PDE4B: variants seen among roughly 807,000 people sequenced by gnomAD.
The protein encoded by PDE4B is 3',5'-cyclic-AMP phosphodiesterase 4B.
A neutral mutation model predicts 82.2 loss-of-function variants in PDE4B; 20 were observed. That is an observed-to-expected ratio of 0.24 (90% CI 0.17 to 0.35). PDE4B has a LOEUF of 0.35. PDE4B is among the 10% of genes least tolerant of loss of function. PDE4B has a pLI of 1.00. For missense variants in PDE4B, 655 were observed against 907.2 expected, an observed-to-expected ratio of 0.72 and a Z score of 3.57; for synonymous variants, 320 against 318.9, an observed-to-expected ratio of 1.00 and a Z score of -0.04.
At chr1:65,857,670 A>G (rs1231923514) in intron 1 of PDE4B, among the ~76,000 whole-genome samples, 1 of 152,120 alleles carries the variant, frequency 6.6e-6, no homozygotes, top group African/African-American at 2.4e-5. Context: ...CCTATTTTTT[A>G]TCTTGCCTTG....
intron 1 of PDE4B, among the ~76,000 whole-genome samples, chr1:65,870,340 G>C (rs1186339874): frequency 1.3e-5 from 2 of 152,132 alleles, no homozygotes; most frequent in Non-Finnish European, 2.9e-5. Context: ...AGCATAAAGT[G>C]TATCATTTCT....
chr1:65,804,751 T>C (rs1416674881), intron 1 of PDE4B, among the ~76,000 whole-genome samples: 1 of 152,096 alleles, frequency 6.6e-6, no homozygotes, highest in Non-Finnish European at 1.5e-5. Flanking sequence ...GATACTGAGC[T>C]ATTCCAGGTG....
intron 1 of PDE4B, among the ~76,000 whole-genome samples, chr1:65,887,235 TTTC>T (rs567812014): frequency 0.034 from 608 of 17,738 alleles, 2 homozygotes; most frequent in African/African-American, 0.068. Context: ...TCTTTCTTTC[TTTC>T]TTTCTTTCTT....
intron 3 of PDE4B, among the ~76,000 whole-genome samples, chr1:65,947,919 C>T (rs1648793327): frequency 6.7e-6 from 1 of 149,086 alleles, no homozygotes; most frequent in Admixed American, 6.7e-5. Context: ...GAAACTAATA[C>T]AGATGCAATA....
At chr1:66,131,155 TA>T (rs991403270) in intron 3 of PDE4B, among the ~76,000 whole-genome samples, 1 of 152,060 alleles carries the variant, frequency 6.6e-6, no homozygotes, top group Non-Finnish European at 1.5e-5. Context: ...TGTGCAAAGG[TA>T]AAAAACATAT....
chr1:66,114,528 C>A (rs1645553154), intron 3 of PDE4B, among the ~76,000 whole-genome samples: 1 of 151,792 alleles, frequency 6.6e-6, no homozygotes. Flanking sequence ...AACTTATATG[C>A]AAATTATACA....
chr1:65,998,277 A>T (rs1651662153), intron 3 of PDE4B, among the ~76,000 whole-genome samples: 1 of 152,196 alleles, frequency 6.6e-6, no homozygotes, highest in Non-Finnish European at 1.5e-5. Context: ...GAGTGAAAAT[A>T]CACATAGTTC....
intron 2 of PDE4B, among the ~76,000 whole-genome samples, chr1:65,915,823 A>C (rs1477425191): frequency 6.6e-6 from 1 of 152,208 alleles, no homozygotes; most frequent in Non-Finnish European, 1.5e-5. Flanking sequence ...CAGAAACAGA[A>C]GGATAATCCA....
intron 9 of PDE4B, among the ~76,000 whole-genome samples, chr1:66,358,756 A>C (rs935279244): frequency 1.3e-5 from 2 of 152,118 alleles, no homozygotes; most frequent in Non-Finnish European, 2.9e-5. Flanking sequence ...CTCAGTGAGC[A>C]CAAAATAAGA....
chr1:66,246,964 G>A (rs946483471), intron 3 of PDE4B, among the ~76,000 whole-genome samples: 6 of 152,220 alleles, frequency 3.9e-5, no homozygotes, highest in Admixed American at 3.3e-4. Flanking sequence ...GAAACATTTA[G>A]AAATACGTGT....
intron 1 of PDE4B, among the ~76,000 whole-genome samples, chr1:65,818,703 T>TAA (rs1645915481): frequency 6.7e-6 from 1 of 148,832 alleles, no homozygotes; most frequent in African/African-American, 2.4e-5. Flanking sequence ...TATATATATA[T>TAA]AAAATAACAA....
chr1:66,043,765 G>A (rs976313710), intron 3 of PDE4B, among the ~76,000 whole-genome samples: 4 of 151,652 alleles, frequency 2.6e-5, no homozygotes, highest in Non-Finnish European at 4.4e-5. Flanking sequence ...GTCAGCAAAG[G>A]GTCCAGAGAG....
At chr1:66,222,787 G>A (rs533196921) in intron 3 of PDE4B, among the ~76,000 whole-genome samples, 3 of 152,200 alleles carry the variant, frequency 2.0e-5, no homozygotes, top group East Asian at 3.9e-4. Flanking sequence ...AAGAATAGAC[G>A]CTCAAGAAAT....
intron 3 of PDE4B, among the ~76,000 whole-genome samples, chr1:66,067,441 A>G (rs1476441125): frequency 1.3e-5 from 2 of 152,096 alleles, no homozygotes; most frequent in African/African-American, 4.8e-5. Context: ...ATGGCCAGTG[A>G]TCATGAGCAT....
intron 1 of PDE4B, among the ~76,000 whole-genome samples, chr1:65,822,367 G>T (rs1645962906): frequency 6.6e-6 from 1 of 152,034 alleles, no homozygotes; most frequent in Non-Finnish European, 1.5e-5. Context: ...GAGTGAAATT[G>T]CTGTCTTAAA....
chr1:66,198,161 G>C (rs1245192140), intron 3 of PDE4B, among the ~76,000 whole-genome samples: 2 of 152,100 alleles, frequency 1.3e-5, no homozygotes, highest in Admixed American at 6.6e-5. Context: ...ATCAAACCAA[G>C]CGGCTAATAT....
chr1:66,356,568 C>T (rs1447161846), intron 9 of PDE4B, among the ~76,000 whole-genome samples: 1 of 152,252 alleles, frequency 6.6e-6, no homozygotes, highest in African/African-American at 2.4e-5. Context: ...ACACTGCATC[C>T]TCTCTTCTTT....
At chr1:66,243,215 T>A (rs1032711363) in intron 3 of PDE4B, among the ~76,000 whole-genome samples, 1 of 152,224 alleles carries the variant, frequency 6.6e-6, no homozygotes, top group African/African-American at 2.4e-5. Flanking sequence ...CTCTGTAGAT[T>A]CATTTAAAGG....
intron 7 of PDE4B, among the ~76,000 whole-genome samples, chr1:66,278,062 A>G (rs1656020994): frequency 6.6e-6 from 1 of 152,228 alleles, no homozygotes; most frequent in Non-Finnish European, 1.5e-5. Flanking sequence ...TGTTTTTAAT[A>G]TATTGTAACT....
Sources: allele counts gnomAD v4.1 joint callset (sites outside exome capture counted in the v4.1 genomes callset), GRCh38; gene constraint gnomAD v4.1.1; transcripts MANE v1.5; gene names NCBI Gene and HGNC (gene_info 2026-07-23, HGNC 2026-07-21).